Variants in MTRES1 observed in about 807,000 individuals in gnomAD.
MTRES1 encodes the protein uncharacterized protein C6orf203.
MTRES1 carries 11 observed loss-of-function variants against 17.4 expected under a neutral mutation model. That is an observed-to-expected ratio of 0.63 (90% CI 0.40 to 1.05). MTRES1 has a LOEUF of 1.05. MTRES1 is among the 50% of genes least tolerant of loss of function. The pLI, the probability that MTRES1 is intolerant of heterozygous loss-of-function variation, is 0.00. For synonymous variants in MTRES1, 94 were observed against 99.6 expected (o/e 0.94, Z 0.34); for missense variants, 268 against 276.2 (o/e 0.97, Z 0.21).
intron 3 of MTRES1, among the ~76,000 whole-genome samples, chr6:107,049,047 G>C (rs782128868): frequency 6.6e-6 from 1 of 152,118 alleles, no homozygotes; most frequent in Admixed American, 6.6e-5. Flanking sequence ...AAGCAGGTGC[G>C]CATGCCCATG....
chr6:107,047,059 C>T lies in MTRES1; in HGVS notation c.543+2727C>T, dbSNP rs578040743. Among the ~76,000 whole-genome samples the T allele has an allele frequency of 2.6e-5, 4 of 152,026 alleles. No homozygotes were observed. In the East Asian group the frequency reaches 5.8e-4, roughly 22 times the overall value. On this transcript the variant is annotated intron_variant, in intron 3 of 3. Transcript: ENST00000311381. ...CCTTGTGATCCACCTGCCTCGGCCT[C>T]CCAAAGTGCTGGGATTACAGGCGTG... is the stretch of plus-strand genomic sequence containing the variant.
At chr6:107,031,610 T>TG (rs1455702587) in intron 1 of MTRES1, among the ~76,000 whole-genome samples, 3 of 149,334 alleles carry the variant, frequency 2.0e-5, no homozygotes, top group Non-Finnish European at 4.5e-5. Flanking sequence ...GCCCAGCTAT[T>TG]TTTTTTTTTT....
intron 3 of MTRES1, among the ~76,000 whole-genome samples, chr6:107,047,709 A>T (rs535186110): frequency 5.9e-5 from 9 of 151,876 alleles, no homozygotes; most frequent in African/African-American, 2.2e-4. Context: ...ACATGGTGAA[A>T]CCCCATCTCT....
intron 1 of MTRES1, among the ~76,000 whole-genome samples, chr6:107,031,920 G>A (rs542500002): frequency 1.3e-4 from 20 of 152,272 alleles, no homozygotes; most frequent in African/African-American, 4.8e-4. Flanking sequence ...GTCTTGAGAA[G>A]CAGCAGCCAC....
intron 2 of MTRES1, among the ~76,000 whole-genome samples, chr6:107,041,140 G>GCA (rs1774197157): frequency 2.0e-5 from 3 of 149,772 alleles, no homozygotes; most frequent in South Asian, 2.1e-4. Context: ...CAGGAGAATG[G>GCA]TGGGAACCCG....
intron 3 of MTRES1, among the ~76,000 whole-genome samples, chr6:107,045,263 C>T (rs1393121010): frequency 6.6e-6 from 1 of 151,782 alleles, no homozygotes; most frequent in African/African-American, 2.4e-5. Context: ...AGGTGGATCA[C>T]GAGGTCAGGA....
rs1393874486 is a variant in MTRES1, at chr6:107,028,216, C to G, written c.-68C>G. 2.6e-5 allele frequency: 4 copies of G among 152,210 alleles called. No individual in the cohort carries two copies. Among genetic ancestry groups the G allele is most frequent in the Non-Finnish European group, 5.9e-5 (4 of 68,076 alleles). 9.4% of individuals were successfully genotyped at this position (152,210 alleles called of 1,614,324 possible). ...GGGGCGGGGCGCAGATAGGGGTAGC[C>G]TGGAGGCCTGCAGTCCGCGCGGCCG... On this transcript the variant is annotated 5_prime_UTR_variant, in exon 1 of 4. Coordinates refer to ENST00000311381, the MANE Select transcript of MTRES1 (RefSeq NM_016487.5).
At chr6:107,039,384 A>T (rs1050174536) in intron 1 of MTRES1, among the ~76,000 whole-genome samples, 1 of 151,652 alleles carries the variant, frequency 6.6e-6, no homozygotes, top group South Asian at 2.1e-4. Flanking sequence ...CAGTGGCGTG[A>T]TCTCAGCTCA....
chr6:107,051,271 G>A lies in MTRES1; in HGVS notation c.*35G>A. 6.5e-7 allele frequency: 1 copy of A among 1,549,340 alleles called. No homozygotes were observed. Among genetic ancestry groups the A allele is most frequent in the Non-Finnish European group, 8.8e-7 (1 of 1,136,780 alleles). ...TTTTTAGCAATAGAGCTGCTTTCTA[G>A]TGGTAAAGGAAGGGGTCACCTGAAA... On this transcript the variant is annotated 3_prime_UTR_variant, in exon 4 of 4. Coordinates refer to ENST00000311381, the MANE Select transcript of MTRES1 (RefSeq NM_016487.5).
At chr6:107,042,882 C>A (rs1774266270) in intron 2 of MTRES1, among the ~76,000 whole-genome samples, 1 of 152,190 alleles carries the variant, frequency 6.6e-6, no homozygotes, top group South Asian at 2.1e-4. Context: ...CTTAAGGCTC[C>A]AATTAACTGC....
chr6:107,028,777 C>G (rs1166070856), intron 1 of MTRES1: 34 of 543,398 alleles, frequency 6.3e-5, no homozygotes, highest in Non-Finnish European at 7.5e-5. Flanking sequence ...TTTACAGACA[C>G]TGCTTTTCTT....
rs564518989 is a variant in MTRES1 at position 107,045,622 on chromosome 6, G to C, written c.543+1290G>C. 7.2e-5 allele frequency among the ~76,000 whole-genome samples: 11 copies of C among 151,930 alleles called. No individual in the cohort carries two copies. The East Asian group carries it at 1.5e-3, about 21-fold the overall frequency. On this transcript the variant is annotated intron_variant, in intron 3 of 3. Transcript: ENST00000311381. ...CATTATGGGTTATGTTAATTTCATA[G>C]TTTTTATTTTCTGAATTTTTTTACC...
chr6:107,040,979 C>G (rs1424139347), intron 2 of MTRES1: 1 of 152,006 alleles, frequency 6.6e-6, no homozygotes, highest in Non-Finnish European at 1.5e-5. Flanking sequence ...GTAATCCGAG[C>G]ACTTTGGGAG....
At chr6:107,044,771 T>G (rs902361379) in intron 3 of MTRES1, among the ~76,000 whole-genome samples, 12 of 152,208 alleles carry the variant, frequency 7.9e-5, no homozygotes, top group African/African-American at 2.7e-4. Flanking sequence ...CGGCTTTGTG[T>G]GCAGAGCAGT....
At chr6:107,033,820 AAATAAT>A (rs540521466) in intron 1 of MTRES1, among the ~76,000 whole-genome samples, 132 of 152,128 alleles carry the variant, frequency 8.7e-4, no homozygotes, top group African/African-American at 2.7e-3. Context: ...TCCGTCTCAA[AAATAAT>A]AATAATAATA....
intron 1 of MTRES1, chr6:107,028,912 G>A: frequency 1.0e-6 from 1 of 983,214 alleles, no homozygotes; most frequent in South Asian, 4.7e-5. Context: ...CTTTTAAAAT[G>A]AACTTCCATC....
At chr6:107,032,101 T>A (rs1269208023) in intron 1 of MTRES1, among the ~76,000 whole-genome samples, 2 of 152,152 alleles carry the variant, frequency 1.3e-5, no homozygotes, top group Non-Finnish European at 2.9e-5. Flanking sequence ...TAGACAACTG[T>A]TTTGAGAAGT....
At chr6:107,049,408 C>CTTTTTTTTTTTTT (rs782057719) in intron 3 of MTRES1, among the ~76,000 whole-genome samples, 3 of 99,380 alleles carry the variant, frequency 3.0e-5, no homozygotes, top group Admixed American at 1.2e-4. Flanking sequence ...TATGGCCCTT[C>CTTTTTTTTTTTTT]TTTTTTTTTT....
chr6:107,029,145 C>A (rs1582586571), intron 1 of MTRES1, among the ~76,000 whole-genome samples: 1 of 151,268 alleles, frequency 6.6e-6, no homozygotes, highest in Admixed American at 6.6e-5. Context: ...CCTGCCTCAG[C>A]CTCCCCAGCA....
Sources: allele counts gnomAD v4.1 joint callset (sites outside exome capture counted in the v4.1 genomes callset), GRCh38; gene constraint gnomAD v4.1.1; transcripts MANE v1.5; gene names NCBI Gene and HGNC (gene_info 2026-07-23, HGNC 2026-07-21).